Variants in DLG2 observed in about 807,000 individuals in gnomAD.
DLG2 encodes the protein disks large homolog 2.
DLG2 carries 45 observed loss-of-function variants against 132.5 expected under a neutral mutation model. The ratio of observed to expected loss-of-function variants is 0.34; its 90% CI spans 0.27 to 0.44. The LOEUF (loss-of-function observed/expected upper bound fraction) is 0.44. DLG2 is among the 20% of genes least tolerant of loss of function. The pLI, the probability that DLG2 is intolerant of heterozygous loss-of-function variation, is 1.00. For synonymous variants in DLG2, 424 were observed against 419.6 expected (o/e 1.01, Z -0.13); for missense variants, 1,045 against 1,196.9 (o/e 0.87, Z 1.87).
rs2089541124 is a variant in DLG2 at position 83,459,853 on chromosome 11, G to T, written c.2893C>A (p.Pro965Thr). Residue 965 changes from proline to threonine, a missense_variant, in exon 28 of 28, where the codon CCT becomes ACT. By Grantham distance (38) the Pro-to-Thr change is conservative. Transcript: ENST00000376104. ...TCCTTTGAGGGAATCCAGATGAAAG[G>T]CCCAGATTGCTCTTCAATAACAAGC... ...CKLVIEEQSGPFIWIPSKEKL is the reference protein window; with the variant it reads ...CKLVIEEQSGTFIWIPSKEKL 6.2e-7 allele frequency: 1 copy of T among 1,611,044 alleles called. No homozygotes were observed. Among genetic ancestry groups the T allele is most frequent in the African/African-American group, 1.3e-5 (1 of 74,842 alleles).
At chr11:83,800,820 T>C (rs2044165381) in intron 17 of DLG2, among the ~76,000 whole-genome samples, 1 of 152,186 alleles carries the variant, frequency 6.6e-6, no homozygotes, top group Non-Finnish European at 1.5e-5. Context: ...CTAGAATTCA[T>C]GCATTTCAAG....
At chr11:84,716,862 G>A (rs2061298843) in intron 6 of DLG2, among the ~76,000 whole-genome samples, 1 of 151,926 alleles carries the variant, frequency 6.6e-6, no homozygotes, top group Admixed American at 6.6e-5. Flanking sequence ...TTCCTCAATA[G>A]GCTTGGAATT....
chr11:85,574,639 T>A (rs1356535902), intron 3 of DLG2, among the ~76,000 whole-genome samples: 1 of 152,128 alleles, frequency 6.6e-6, no homozygotes. Context: ...GTGCCCTTCC[T>A]GTGGTAATGA....
chr11:84,393,871 T>A (rs192982743), intron 7 of DLG2, among the ~76,000 whole-genome samples: 1 of 152,276 alleles, frequency 6.6e-6, no homozygotes, highest in East Asian at 1.9e-4. Flanking sequence ...GTCATCATAT[T>A]TTTACTCTGT....
chr11:85,618,644 G>A (rs2081499479), intron 2 of DLG2, among the ~76,000 whole-genome samples: 2 of 152,148 alleles, frequency 1.3e-5, no homozygotes, highest in Non-Finnish European at 2.9e-5. Context: ...CACCTATTGA[G>A]TACTATGCTC....
chr11:85,251,116 C>T (rs2076375499), intron 4 of DLG2, among the ~76,000 whole-genome samples: 1 of 152,006 alleles, frequency 6.6e-6, no homozygotes. Context: ...CTCCCATCAC[C>T]CACTGTGGGA....
At chr11:84,280,035 A>G (rs1021675647) in intron 7 of DLG2, among the ~76,000 whole-genome samples, 1 of 152,218 alleles carries the variant, frequency 6.6e-6, no homozygotes, top group Non-Finnish European at 1.5e-5. Flanking sequence ...CAAACAGTGT[A>G]ACAAGGCAAG....
At chr11:85,140,000 T>C (rs940983317) in intron 5 of DLG2, among the ~76,000 whole-genome samples, 10 of 152,054 alleles carry the variant, frequency 6.6e-5, no homozygotes, top group African/African-American at 2.4e-4. Flanking sequence ...AAAGATCTCA[T>C]TCTTTTTTAA....
chr11:84,742,760 A>T (rs951121890), intron 6 of DLG2, among the ~76,000 whole-genome samples: 3 of 152,170 alleles, frequency 2.0e-5, no homozygotes, highest in Non-Finnish European at 4.4e-5. Context: ...TGTATCATAT[A>T]GAGTAATTTC....
chr11:85,290,009 G>T (rs1163007543), intron 3 of DLG2, among the ~76,000 whole-genome samples: 1 of 152,130 alleles, frequency 6.6e-6, no homozygotes, highest in Non-Finnish European at 1.5e-5. Context: ...TGAAGACAAT[G>T]TTCTATCCAG....
chr11:84,834,444 A>G (rs1390634125), intron 6 of DLG2, among the ~76,000 whole-genome samples: 1 of 151,556 alleles, frequency 6.6e-6, no homozygotes, highest in Non-Finnish European at 1.5e-5. Context: ...AATTCCTTGA[A>G]ATTTTATTTG....
intron 22 of DLG2, among the ~76,000 whole-genome samples, chr11:83,477,230 A>G (rs907132737): frequency 6.6e-6 from 1 of 152,086 alleles, no homozygotes; most frequent in African/African-American, 2.4e-5. Flanking sequence ...CCACCTCCTA[A>G]TACATGGGTG....
chr11:85,181,932 A>G (rs1406380246), intron 4 of DLG2, among the ~76,000 whole-genome samples: 1 of 151,876 alleles, frequency 6.6e-6, no homozygotes, highest in Non-Finnish European at 1.5e-5. Flanking sequence ...CATCCAGGCA[A>G]GGAGACTGCA....
At chr11:83,700,663 A>C (rs2082763902) in intron 18 of DLG2, among the ~76,000 whole-genome samples, 1 of 152,226 alleles carries the variant, frequency 6.6e-6, no homozygotes, top group South Asian at 2.1e-4. Flanking sequence ...TGTGTTCCTA[A>C]AAAATTTATT....
chr11:84,571,178 T>C (rs1206092561), intron 6 of DLG2, among the ~76,000 whole-genome samples: 4 of 152,134 alleles, frequency 2.6e-5, no homozygotes, highest in African/African-American at 9.7e-5. Flanking sequence ...TGCTGTTTCT[T>C]ATTTTGAACA....
intron 18 of DLG2, among the ~76,000 whole-genome samples, chr11:83,654,730 C>T (rs2071794531): frequency 6.6e-6 from 1 of 152,166 alleles, no homozygotes; most frequent in African/African-American, 2.4e-5. Context: ...TTAAATACGT[C>T]TATAGAAATG....
intron 6 of DLG2, among the ~76,000 whole-genome samples, chr11:85,011,353 T>C (rs1457822065): frequency 6.6e-6 from 1 of 152,228 alleles, no homozygotes; most frequent in Non-Finnish European, 1.5e-5. Context: ...AGCTAGTTGA[T>C]AACATCATCA....
chr11:85,487,171 C>T (rs1247866832), intron 3 of DLG2, among the ~76,000 whole-genome samples: 1 of 151,276 alleles, frequency 6.6e-6, no homozygotes, highest in Non-Finnish European at 1.5e-5. Flanking sequence ...AAAAATCCTC[C>T]CCCATGAAAG....
rs2152459670 is a variant in DLG2 at position 85,154,637 on chromosome 11, A to C, written c.201T>G (p.Ser67Arg). 1 of 1,509,916 alleles carries C rather than the reference A, an allele frequency of 6.6e-7. No individual in the cohort carries two copies. The highest frequency in any genetic ancestry group is 9.0e-7 in the Non-Finnish European group (1 of 1,114,148). The allele number at this position is 1,509,916 out of a possible 1,614,324, so 93.5% of individuals were successfully genotyped here. Residue 67 changes from serine to arginine, a missense_variant, in exon 5 of 28, where the codon AGT (serine) becomes AGG (arginine). By Grantham distance (110) the Ser-to-Arg change is moderately radical. Around this residue, in one of 4 missense-constraint regions of DLG2, gnomAD observed 277 missense variants for 238.2 expected, o/e 1.16. Transcript: ENST00000376104. ...TACATGAAGCATTTTCCTTTGATCC[A>C]CTGCAATCTGTAAGCTAAAATAAAA... ...LQKSSELTDC[S>R]GSKENASCIE...
Sources: allele counts gnomAD v4.1 joint callset (sites outside exome capture counted in the v4.1 genomes callset), GRCh38; gene constraint gnomAD v4.1.1; regional missense constraint gnomAD v4.1.1; transcripts MANE v1.5; gene names NCBI Gene and HGNC (gene_info 2026-07-23, HGNC 2026-07-21).